The following NNT variants were observed in gnomAD, a reference collection of about 807,000 sequenced individuals.
NNT encodes nicotinamide nucleotide transhydrogenase.
Under a neutral mutation model 104.8 loss-of-function variants are expected in NNT, and 50 were observed. The observed-to-expected ratio is 0.48, with a 90% CI of 0.38 to 0.60. The LOEUF is 0.60. Among genes scored for constraint, NNT ranks in the 20% least tolerant of loss-of-function variants. The probability of loss-of-function intolerance (pLI) is 0.00; values close to 1 mark genes in which losing one functional copy is unlikely to be tolerated. For synonymous variants in NNT, 461 were observed against 490.4 expected (o/e 0.94, Z 0.79); for missense variants, 1,131 against 1,330.7 (o/e 0.85, Z 2.33).
intron 19 of NNT, among the ~76,000 whole-genome samples, chr5:43,683,570 G>C (rs556005242): frequency 6.6e-6 from 1 of 152,112 alleles, no homozygotes; most frequent in African/African-American, 2.4e-5. Flanking sequence ...TTTAGTATTA[G>C]TTACAGGAAA....
intron 17 of NNT, among the ~76,000 whole-genome samples, chr5:43,673,023 C>T (rs988471608): frequency 2.6e-5 from 4 of 152,198 alleles, no homozygotes; most frequent in African/African-American, 4.8e-5. Flanking sequence ...CCTTGCAGTT[C>T]GATCTCAGGC....
chr5:43,621,532 A>G (rs1039459122), intron 5 of NNT, among the ~76,000 whole-genome samples: 4 of 151,756 alleles, frequency 2.6e-5, no homozygotes, highest in African/African-American at 7.2e-5. Context: ...TAAATACCTG[A>G]GATAATTTTA....
At chr5:43,654,055 A>G (rs1292109645) in intron 14 of NNT, among the ~76,000 whole-genome samples, 1 of 152,202 alleles carries the variant, frequency 6.6e-6, no homozygotes, top group African/African-American at 2.4e-5. Flanking sequence ...TGAATCAGAA[A>G]CAAAGTTAAT....
At chr5:43,635,746 T>A (rs1750898522) in intron 7 of NNT, among the ~76,000 whole-genome samples, 1 of 152,122 alleles carries the variant, frequency 6.6e-6, no homozygotes, top group Non-Finnish European at 1.5e-5. Flanking sequence ...GTTTCTCTTT[T>A]TATGCTTCAA....
At chr5:43,659,028 G>T in intron 16 of NNT, 143 bp from the exon 17 acceptor site, 2 of 709,030 alleles carry the variant, frequency 2.8e-6, no homozygotes, top group Non-Finnish European at 4.4e-6. Context: ...TTGGTCAGAT[G>T]GGAGACACTT....
At position 43,675,625 on chromosome 5, in the gene NNT, G is replaced by A. The variant is rs1435386648; in HGVS notation, c.2749G>A (p.Ala917Thr). The A allele has an allele frequency of 3.1e-6, 5 of 1,610,506 alleles. No individual in the cohort carries two copies. The South Asian group carries it at 3.3e-5, about 11-fold the overall frequency. Residue 917 changes from alanine (A) to threonine (T), a missense_variant, in exon 18 of 22, where the codon GCA (alanine) becomes ACA (threonine). Physicochemically the swap from Ala to Thr is moderately conservative, Grantham distance 58 (BLOSUM62 0). Coordinates refer to ENST00000344920, the MANE Select transcript of NNT (RefSeq NM_182977.3). ...ACATACGGAAATCAACCTTGACAAT[G>A]CAATTGACATGATTCGAGAAGCTAA... The part of the protein sequence containing the change: ...GTHTEINLDN[A>T]IDMIREANSI...
In NNT at chr5:43,678,380, C is replaced by CT. The variant is rs1219408108; in HGVS notation, c.2876+574_2876+575insT. Among the ~76,000 whole-genome samples the CT allele has an allele frequency of 2.0e-5, 3 of 151,474 alleles. No individual in the cohort carries two copies. The East Asian group carries it at 5.8e-4, about 29-fold the overall frequency. ...GTAAAGAAGTTAAGTTGTTAATGAA[C>CT]AAGCCATATTCTGGTCTTAGTCTTA... On this transcript the variant is annotated intron_variant, in intron 19 of 21. Coordinates refer to ENST00000344920, the MANE Select transcript of NNT (RefSeq NM_182977.3).
chr5:43,623,996 A>T lies in NNT; in HGVS notation c.688-36A>T, dbSNP rs778056491. ...TGATGATTTTTCATTATTAGTTGAT[A>T]ATGAGCCTTAACACATAACTGGGTC... is the stretch of plus-strand genomic sequence containing the variant. On this transcript the variant is annotated intron_variant, in intron 5 of 21. Transcript: ENST00000344920. The T allele has an allele frequency of 4.4e-6, 7 of 1,587,032 alleles. No homozygotes were observed. The South Asian group carries it at 6.6e-5, about 15-fold the overall frequency.
chr5:43,656,033 C>T lies in NNT; in HGVS notation c.2253C>T (p.Val751=). The T allele has an allele frequency of 6.2e-7, 1 of 1,614,162 alleles. No individual in the cohort carries two copies. The highest frequency in any genetic ancestry group is 2.2e-5 in the East Asian group (1 of 44,886). The part of the protein sequence containing the change: ...VAYLGTYIGG[V]TFSGSLIAYG... ...ACCTCGGCACTTACATTGGTGGCGT[C>T]ACCTTTAGTGGGTCTCTCATTGCCT... Residue 751 remains valine (V), a synonymous_variant, in exon 15 of 22, where the codon GTC becomes GTT. Transcript: ENST00000344920.
chr5:43,690,766 A>G (rs1166172975), intron 19 of NNT, among the ~76,000 whole-genome samples: 1 of 152,032 alleles, frequency 6.6e-6, no homozygotes, highest in Non-Finnish European at 1.5e-5. Flanking sequence ...TTTGAGTTAT[A>G]TGTAAAATAC....
chr5:43,681,259 C>CAAAA (rs559273026), intron 19 of NNT, among the ~76,000 whole-genome samples: 15 of 58,540 alleles, frequency 2.6e-4, no homozygotes, highest in African/African-American at 4.8e-4. Flanking sequence ...GGCTCCTTCT[C>CAAAA]AAAAAAAAAA....
chr5:43,670,035 T>G (rs891325862), intron 17 of NNT, among the ~76,000 whole-genome samples: 1 of 152,240 alleles, frequency 6.6e-6, no homozygotes, highest in Non-Finnish European at 1.5e-5. Context: ...CAGGAATTTA[T>G]CCATTTCTTC....
rs367613933 is a variant in NNT, at chr5:43,651,893, C to T, written c.1863+9C>T. ...GTTATAACATTGAACAGGTAAGATG[C>T]TCTTTGTAAGTTTTTATATTTACCA... On this transcript the variant is annotated intron_variant, in intron 13 of 21. Coordinates refer to ENST00000344920, the MANE Select transcript of NNT (RefSeq NM_182977.3). The T allele has an allele frequency of 1.7e-4, 278 of 1,611,046 alleles. No individual in the cohort carries two copies. Among genetic ancestry groups the T allele is most frequent in the Non-Finnish European group, 2.2e-4 (260 of 1,178,976 alleles).
chr5:43,613,020 T>C lies in NNT; in HGVS notation c.264T>C (p.Asn88=), dbSNP rs773481828. ...GVQNLVKQGF[N]VVVESGAGEA... ...AGAACTTGGTCAAGCAGGGTTTTAATGTTGTCGTGGAATCGGGTGCGGGCG... is the reference window on the plus strand; with the variant it reads ...AGAACTTGGTCAAGCAGGGTTTTAACGTTGTCGTGGAATCGGGTGCGGGCG... Residue 88 remains asparagine, a synonymous_variant, in exon 3 of 22, where the codon AAT becomes AAC. Transcript: ENST00000344920. The C allele has an allele frequency of 3.7e-6, 6 of 1,614,128 alleles. No homozygotes were observed. The highest frequency in any genetic ancestry group is 5.1e-6 in the Non-Finnish European group (6 of 1,180,024).
At chr5:43,694,594 A>G (rs374162000) in intron 19 of NNT, among the ~76,000 whole-genome samples, 23 of 152,238 alleles carry the variant, frequency 1.5e-4, no homozygotes, top group African/African-American at 5.5e-4. Context: ...ATTGATTTGC[A>G]TATGTTGAAC....
chr5:43,691,812 T>A (rs1742299769), intron 19 of NNT, among the ~76,000 whole-genome samples: 1 of 152,258 alleles, frequency 6.6e-6, no homozygotes, highest in Admixed American at 6.5e-5. Context: ...GCTAGGGCTC[T>A]AGAATTTAAT....
chr5:43,661,101 A>T (rs1443466195), intron 17 of NNT, among the ~76,000 whole-genome samples: 2 of 152,022 alleles, frequency 1.3e-5, no homozygotes, highest in Non-Finnish European at 2.9e-5. Flanking sequence ...GATAGCCCAA[A>T]TTCAAAACAA....
At chr5:43,675,483 T>C in intron 17 of NNT, 28 bp from the exon 18 acceptor site, 1 of 1,597,192 alleles carries the variant, frequency 6.3e-7, no homozygotes, top group Non-Finnish European at 8.5e-7. Context: ...TGTGTTAAAC[T>C]CTCACAGCTG....
At chr5:43,673,928 G>A (rs546568467) in intron 17 of NNT, among the ~76,000 whole-genome samples, 2 of 151,100 alleles carry the variant, frequency 1.3e-5, no homozygotes, top group South Asian at 4.2e-4. Context: ...GCTGAGGCAG[G>A]AAAATCTCTT....
Sources: gnomAD v4.1 joint callset for allele counts (sites outside exome capture counted in the v4.1 genomes callset) on GRCh38, gnomAD v4.1.1 for gene constraint, MANE v1.5 for transcripts, NCBI Gene and HGNC (gene_info 2026-07-23, HGNC 2026-07-21) for gene names.